ID2: variants seen among roughly 807,000 people sequenced by gnomAD.
The protein encoded by ID2 is DNA-binding protein inhibitor ID-2.
In ID2, 2 loss-of-function variants were observed where a neutral mutation model predicts 8.3. The observed-to-expected ratio is 0.24, with a 90% CI of 0.10 to 0.76. ID2 has a LOEUF of 0.76. Among genes scored for constraint, ID2 ranks in the 30% least tolerant of loss-of-function variants. The pLI is 0.73. For missense variants in ID2, 155 were observed against 167.0 expected (o/e 0.93, Z 0.40); for synonymous variants, 112 against 72.3 (o/e 1.55, Z -2.79).
At position 8,682,077 on chromosome 2, in the gene ID2, C is replaced by T. The variant is rs948898626; in HGVS notation, c.-89C>T. Reference sequence around the variant, plus strand: ...CTTCATTCTGAGCCGAGCCCGGTGCCAAGCGCAGCTAGCTCAGCAGGCGGC... The same window carrying T: ...CTTCATTCTGAGCCGAGCCCGGTGCTAAGCGCAGCTAGCTCAGCAGGCGGC... On this transcript the variant is annotated 5_prime_UTR_variant, in exon 1 of 3. Coordinates refer to ENST00000396290, the MANE Select transcript of ID2 (RefSeq NM_002166.5). The T allele has an allele frequency of 9.3e-7, 1 of 1,073,616 alleles. No homozygotes were observed. Among genetic ancestry groups the T allele is most frequent in the Non-Finnish European group, 1.4e-6 (1 of 731,748 alleles). The allele number at this position is 1,073,616 out of a possible 1,614,324, so 66.5% of individuals were successfully genotyped here.
chr2:8,682,914 T>A lies in ID2; in HGVS notation c.*7+8T>A, dbSNP rs756708598. On this transcript the variant is annotated splice_region_variant and intron_variant, in intron 2 of 2. Transcript: ENST00000396290. ...TGTGTGGCTGAATAAGCGGTGAGTG[T>A]TTGCTTGTGCCACCCGTGGGTAAAC... 3 of 1,612,456 alleles carry A rather than the reference T, an allele frequency of 1.9e-6. No individual in the cohort carries two copies. The highest frequency in any genetic ancestry group is 2.2e-5 in the South Asian group (2 of 91,034).
At chr2:8,682,587 C>A in intron 1 of ID2, 74 bp downstream of exon 1, 1 of 1,091,246 alleles carries the variant, frequency 9.2e-7, no homozygotes. Context: ...CTAGGAGATC[C>A]GTAGCCCAGA....
Position 8,682,474 on chromosome 2 carries a change from G to T in ID2, c.309G>T (p.Leu103=), listed in dbSNP as rs1156534227. Residue 103 remains leucine, a synonymous_variant, in exon 1 of 3, where the codon CTG becomes CTT. Coordinates refer to ENST00000396290, the MANE Select transcript of ID2 (RefSeq NM_002166.5). ...AGAACCAGGCGTCCAGGACGCCGCT[G>T]ACCACCCTCAACACGGATATCAGCA... ...PGQNQASRTP[L]TTLNTDISIL... The T allele has an allele frequency of 6.2e-7, 1 of 1,613,274 alleles. No individual in the cohort carries two copies. The highest frequency in any genetic ancestry group is 8.5e-7 in the Non-Finnish European group (1 of 1,180,002).
Position 8,682,071 on chromosome 2 carries a change from C to A in ID2, c.-95C>A, listed in dbSNP as rs562872744. On this transcript the variant is annotated 5_prime_UTR_variant, in exon 1 of 3. Transcript: ENST00000396290. ...CTCGGGCTTCATTCTGAGCCGAGCCCGGTGCCAAGCGCAGCTAGCTCAGCA... is the reference window on the plus strand; with the variant it reads ...CTCGGGCTTCATTCTGAGCCGAGCCAGGTGCCAAGCGCAGCTAGCTCAGCA... 1.0e-5 allele frequency: 10 copies of A among 977,808 alleles called. No homozygotes were observed. The highest frequency in any genetic ancestry group is 1.5e-5 in the Non-Finnish European group (10 of 649,254). The allele number at this position is 977,808 out of a possible 1,614,324, so 60.6% of individuals were successfully genotyped here.
At position 8,682,872 on chromosome 2, in the gene ID2, A is replaced by C; in HGVS notation, c.378A>C (p.Ser126=). Residue 126 remains serine (S), a synonymous_variant, in exon 2 of 3, where the codon TCA becomes TCC. Coordinates refer to ENST00000396290, the MANE Select transcript of ID2 (RefSeq NM_002166.5). The stretch of plus-strand genomic sequence containing the variant: ...CTGAATTCCCTTCTGAGTTAATGTC[A>C]AATGACAGCAAAGCACTGTGTGGCT... ...QASEFPSELM[S]NDSKALCG The C allele has an allele frequency of 6.2e-7, 1 of 1,613,914 alleles. No individual in the cohort carries two copies. Among genetic ancestry groups the C allele is most frequent in the Non-Finnish European group, 8.5e-7 (1 of 1,179,844 alleles).
Position 8,682,762 on chromosome 2 carries a change from C to CAA in ID2, c.349-57_349-56dup, listed in dbSNP as rs373887089. ...ATGGAACTTGCTGGTCTGTGGACTA[C>CAA]AAAAAAAAAAAAAAAAAAAAAAAAA... On this transcript the variant is annotated intron_variant, in intron 1 of 2. Transcript: ENST00000396290. The CAA allele has an allele frequency of 3.1e-3, 2,316 of 744,912 alleles. 3 individuals are homozygous for CAA. Among genetic ancestry groups the CAA allele is most frequent in the Admixed American group, 6.0e-3 (226 of 37,572 alleles). 46.1% of individuals were successfully genotyped at this position (744,912 alleles called of 1,614,324 possible). A position where few individuals can be genotyped will look rare whatever the true frequency, so the allele number is the denominator to read the frequency against.
chr2:8,683,150 C>T (rs769849495), intron 2 of ID2: 6 of 554,334 alleles, frequency 1.1e-5, no homozygotes, highest in Non-Finnish European at 1.6e-5. Context: ...CGAAGGCGGC[C>T]GAGGAACGTG....
chr2:8,682,089 G>A lies in ID2; in HGVS notation c.-77G>A, dbSNP rs531625791. ...CCGAGCCCGGTGCCAAGCGCAGCTA[G>A]CTCAGCAGGCGGCAGCGGCGGCCTG... is the stretch of plus-strand genomic sequence containing the variant. On this transcript the variant is annotated 5_prime_UTR_variant, in exon 1 of 3. Transcript: ENST00000396290. The A allele has an allele frequency of 1.6e-6, 2 of 1,214,110 alleles. No homozygotes were observed. Among genetic ancestry groups the A allele is most frequent in the East Asian group, 2.3e-5 (1 of 42,816 alleles). The allele number at this position is 1,214,110 out of a possible 1,614,324, so 75.2% of individuals were successfully genotyped here.
chr2:8,682,134 C>A lies in ID2; in HGVS notation c.-32C>A. On this transcript the variant is annotated 5_prime_UTR_variant, in exon 1 of 3. Coordinates refer to ENST00000396290, the MANE Select transcript of ID2 (RefSeq NM_002166.5). ...GGCCTGAGCTTCAGGGCAGCCAGCT[C>A]CCTCCCGGTCTCGCCTTCCCTCGCG... The A allele has an allele frequency of 1.9e-6, 3 of 1,572,970 alleles. No individual in the cohort carries two copies. The highest frequency in any genetic ancestry group is 1.1e-5 in the South Asian group (1 of 89,776).
rs1037543763 is a variant in ID2 at position 8,684,423 on chromosome 2, TAA to T, written c.*747_*748del. 4.3e-4 allele frequency: 66 copies of T among 152,058 alleles called. No individual in the cohort carries two copies. The highest frequency in any genetic ancestry group is 1.6e-3 in the African/African-American group (65 of 41,344). The allele number at this position is 152,058 out of a possible 1,614,324, so 9.4% of individuals were successfully genotyped here. The stretch of plus-strand genomic sequence containing the variant: ...CAAGTTCAAATTTATGTAGACTGTA[TAA>T]GATTATAATAAAACATGTCTGAAGT... On this transcript the variant is annotated 3_prime_UTR_variant, in exon 3 of 3. Coordinates refer to ENST00000396290, the MANE Select transcript of ID2 (RefSeq NM_002166.5).
At chr2:8,682,585 T>A in intron 1 of ID2, 72 bp downstream of exon 1, 1 of 1,112,810 alleles carries the variant, frequency 9.0e-7, no homozygotes, top group Non-Finnish European at 1.3e-6. Flanking sequence ...CACTAGGAGA[T>A]CCGTAGCCCA....
rs147763639 is a variant in ID2, at chr2:8,684,439, C to G, written c.*762C>G. 1.7e-4 allele frequency: 26 copies of G among 150,492 alleles called. No homozygotes were observed. Among genetic ancestry groups the G allele is most frequent in the African/African-American group, 6.4e-4 (26 of 40,714 alleles). The allele number at this position is 150,492 out of a possible 1,614,324, so 9.3% of individuals were successfully genotyped here. On this transcript the variant is annotated 3_prime_UTR_variant, in exon 3 of 3. Coordinates refer to ENST00000396290, the MANE Select transcript of ID2 (RefSeq NM_002166.5). Reference sequence around the variant, plus strand: ...TAGACTGTATAAGATTATAATAAAACATGTCTGAAGTCAATACCTGAATTC... The same window carrying G: ...TAGACTGTATAAGATTATAATAAAAGATGTCTGAAGTCAATACCTGAATTC...
In ID2 at chr2:8,684,375, T is replaced by TTA. The variant is rs926871010; in HGVS notation, c.*701_*702dup. The TTA allele has an allele frequency of 6.6e-6, 1 of 152,544 alleles. No individual in the cohort carries two copies. Among genetic ancestry groups the TTA allele is most frequent in the African/African-American group, 2.4e-5 (1 of 41,432 alleles). 9.4% of individuals were successfully genotyped at this position (152,544 alleles called of 1,614,324 possible). ...GTGCTTTGATTTTTATTATGCTATG[T>TTA]TATAACTGAACCCAAATAAATACAA... On this transcript the variant is annotated 3_prime_UTR_variant, in exon 3 of 3. Coordinates refer to ENST00000396290, the MANE Select transcript of ID2 (RefSeq NM_002166.5).
intron 2 of ID2, 72 bp from the exon 3 acceptor site, chr2:8,683,613 G>A (rs1304808863): frequency 6.6e-6 from 1 of 152,280 alleles, no homozygotes; most frequent in Admixed American, 6.5e-5. Flanking sequence ...GCTTCCTCCC[G>A]GCGCCAGTCG....
Position 8,682,088 on chromosome 2 carries a change from A to C in ID2, c.-78A>C, listed in dbSNP as rs1007250969. On this transcript the variant is annotated 5_prime_UTR_variant, in exon 1 of 3. Coordinates refer to ENST00000396290, the MANE Select transcript of ID2 (RefSeq NM_002166.5). ...GCCGAGCCCGGTGCCAAGCGCAGCT[A>C]GCTCAGCAGGCGGCAGCGGCGGCCT... The C allele has an allele frequency of 2.5e-6, 3 of 1,184,578 alleles. No homozygotes were observed. The highest frequency in any genetic ancestry group is 3.0e-5 in the African/African-American group (2 of 66,028). 73.4% of individuals were successfully genotyped at this position (1,184,578 alleles called of 1,614,324 possible).
In ID2 at chr2:8,684,297, TAAATC is replaced by T. The variant is rs1662185887; in HGVS notation, c.*623_*627del. 6.6e-6 allele frequency: 1 copy of T among 152,538 alleles called. No homozygotes were observed. The highest frequency in any genetic ancestry group is 1.5e-5 in the Non-Finnish European group (1 of 68,018). 9.4% of individuals were successfully genotyped at this position (152,538 alleles called of 1,614,324 possible). ...GTAAACTTAACCCTTTTATACAAAA[TAAATC>T]AAGTGTGTTTATTGAATGGTGATTG... On this transcript the variant is annotated 3_prime_UTR_variant, in exon 3 of 3. Transcript: ENST00000396290.
rs537189047 is a variant in ID2, at chr2:8,683,181, T to C, written c.*7+275T>C. On this transcript the variant is annotated intron_variant, in intron 2 of 2. Coordinates refer to ENST00000396290, the MANE Select transcript of ID2 (RefSeq NM_002166.5). ...ACGTGTGTATTGGCTTTGTAGCAAA[T>C]GTAATGCCCTGGATCTTCCTACGAG... is the stretch of plus-strand genomic sequence containing the variant. Among the ~76,000 whole-genome samples the C allele has an allele frequency of 2.0e-5, 3 of 152,162 alleles. No homozygotes were observed. The East Asian group carries it at 5.8e-4, about 29-fold the overall frequency.
rs773706127 is a variant in ID2, at chr2:8,682,506, C to T, written c.341C>T (p.Ser114Phe). ...TTLNTDISIL[S>F]LQASEFPSEL... ...CTCAACACGGATATCAGCATCCTGT[C>T]CTTGCAGGTAAGACCTGCTCCGGGG... The change falls in exon 1 of 3, where the codon TCC becomes TTC. Residue 114 changes from serine (S) to phenylalanine (F), a missense_variant. Physicochemically the swap from Ser to Phe is radical, Grantham distance 155. Around this residue, in one of 3 missense-constraint regions of ID2, gnomAD observed 75 missense variants for 72.2 expected, o/e 1.04. Transcript: ENST00000396290. 1 of 1,612,110 alleles carries T rather than the reference C, an allele frequency of 6.2e-7. No individual in the cohort carries two copies.
chr2:8,682,079 A>G lies in ID2; in HGVS notation c.-87A>G, dbSNP rs1260205828. 2 of 1,091,368 alleles carry G rather than the reference A, an allele frequency of 1.8e-6. No individual in the cohort carries two copies. The highest frequency in any genetic ancestry group is 2.7e-6 in the Non-Finnish European group (2 of 746,810). 67.6% of individuals were successfully genotyped at this position (1,091,368 alleles called of 1,614,324 possible). On this transcript the variant is annotated 5_prime_UTR_variant, in exon 1 of 3. Coordinates refer to ENST00000396290, the MANE Select transcript of ID2 (RefSeq NM_002166.5). ...TCATTCTGAGCCGAGCCCGGTGCCA[A>G]GCGCAGCTAGCTCAGCAGGCGGCAG...
Sources: allele counts gnomAD v4.1 joint callset (sites outside exome capture counted in the v4.1 genomes callset), GRCh38; gene constraint gnomAD v4.1.1; regional missense constraint gnomAD v4.1.1; transcripts MANE v1.5; gene names NCBI Gene and HGNC (gene_info 2026-07-23, HGNC 2026-07-21).